The following KDM2A variants were observed in gnomAD, a reference collection of about 807,000 sequenced individuals.
KDM2A encodes the protein lysine-specific demethylase 2A.
Under a neutral mutation model 137.3 loss-of-function variants are expected in KDM2A, and 3 were observed. The observed-to-expected ratio is 0.02, with a 90% CI of 0.01 to 0.06. KDM2A has a LOEUF of 0.06. KDM2A is among the 10% of genes least tolerant of loss of function. The probability of loss-of-function intolerance (pLI) is 1.00; values close to 1 mark genes in which losing one functional copy is unlikely to be tolerated. For missense variants in KDM2A, 738 were observed against 1,510.6 expected, an observed-to-expected ratio of 0.49 and a Z score of 8.48; for synonymous variants, 512 against 541.5, an observed-to-expected ratio of 0.95 and a Z score of 0.76.
At chr11:67,132,341 T>G (rs1244262900) in intron 2 of KDM2A, among the ~76,000 whole-genome samples, 1 of 152,216 alleles carries the variant, frequency 6.6e-6, no homozygotes, top group Non-Finnish European at 1.5e-5. Context: ...TAGAGTGCAA[T>G]GGCACGATCT....
chr11:67,192,692 G>A (rs1857386936), intron 5 of KDM2A, among the ~76,000 whole-genome samples: 4 of 151,904 alleles, frequency 2.6e-5, no homozygotes, highest in Admixed American at 6.6e-5. Flanking sequence ...TGATCCATCC[G>A]CCTTGGCCTC....
intron 5 of KDM2A, among the ~76,000 whole-genome samples, chr11:67,194,394 G>A (rs888362663): frequency 2.6e-5 from 4 of 152,144 alleles, no homozygotes; most frequent in Admixed American, 2.6e-4. Context: ...TTTCTGAGGC[G>A]TAGGTCCTCC....
In KDM2A at chr11:67,122,993, A is replaced by T. The variant is rs144785794; in HGVS notation, c.42+1635A>T. On this transcript the variant is annotated intron_variant, in intron 2 of 20. Coordinates refer to ENST00000529006, the MANE Select transcript of KDM2A (RefSeq NM_012308.3). ...TCTGGCCTTTTATTTTTATTTTTAT[A>T]GACAGGATCTTGCTCTGCCCAGGGT... Among the ~76,000 whole-genome samples, 398 of 151,804 alleles carry T rather than the reference A, an allele frequency of 2.6e-3. 2 individuals are homozygous for T. Among genetic ancestry groups the T allele is most frequent in the Non-Finnish European group, 2.2e-3 (152 of 67,940 alleles).
intron 2 of KDM2A, among the ~76,000 whole-genome samples, chr11:67,132,445 G>A (rs983488401): frequency 1.3e-5 from 2 of 151,958 alleles, no homozygotes; most frequent in South Asian, 2.1e-4. Context: ...CACCACGCCC[G>A]GCTAATTTTT....
chr11:67,121,331 A>T lies in KDM2A; in HGVS notation c.15A>T (p.Glu5Asp). 2 of 1,613,906 alleles carry T rather than the reference A, an allele frequency of 1.2e-6. No individual in the cohort carries two copies. The highest frequency in any genetic ancestry group is 1.7e-6 in the Non-Finnish European group (2 of 1,179,818). ...AAGAGTGAGAGATGGAACCCGAAGA[A>T]GAAAGGATTCGTTACAGCCAGAGAT... is the stretch of plus-strand genomic sequence containing the variant. MEPE[E>D]ERIRYSQRLR... The change falls in exon 2 of 21, where the codon GAA (glutamate) becomes GAT (aspartate). Residue 5 changes from glutamate (E) to aspartate (D), a missense_variant. By Grantham distance (45) the Glu-to-Asp change is conservative. Around this residue, in one of 9 missense-constraint regions of KDM2A, gnomAD observed 74 missense variants for 181.8 expected, o/e 0.41. Coordinates refer to ENST00000529006, the MANE Select transcript of KDM2A (RefSeq NM_012308.3).
intron 5 of KDM2A, chr11:67,197,100 A>G (rs974979415): frequency 1.3e-5 from 2 of 152,278 alleles, no homozygotes; most frequent in Non-Finnish European, 1.5e-5. Flanking sequence ...CCCAAGGGTG[A>G]ACACAAATAA....
At chr11:67,147,867 C>G (rs941383500) in intron 2 of KDM2A, among the ~76,000 whole-genome samples, 1 of 151,752 alleles carries the variant, frequency 6.6e-6, no homozygotes, top group Admixed American at 6.6e-5. Flanking sequence ...TTAGTAGAGA[C>G]GAGGTTTTAC....
At chr11:67,169,760 T>TCTCTCTC (rs1555084878) in intron 2 of KDM2A, among the ~76,000 whole-genome samples, 10 of 19,662 alleles carry the variant, frequency 5.1e-4, no homozygotes, top group Middle Eastern at 0.083. Flanking sequence ...TCTCTCTCTC[T>TCTCTCTC]TTTTTTTTTT....
intron 2 of KDM2A, among the ~76,000 whole-genome samples, chr11:67,168,891 A>G (rs1856812953): frequency 6.6e-6 from 1 of 150,994 alleles, no homozygotes; most frequent in African/African-American, 2.4e-5. Flanking sequence ...TCAAGTACAT[A>G]TTAAGGCTAT....
intron 12 of KDM2A, among the ~76,000 whole-genome samples, chr11:67,232,626 CCCT>C (rs1358616746): frequency 1.3e-5 from 2 of 151,668 alleles, no homozygotes; most frequent in African/African-American, 4.8e-5. Flanking sequence ...CTAATGCTAT[CCCT>C]CCTCCAGCTC....
At chr11:67,236,389 C>T (rs1345951212) in intron 12 of KDM2A, among the ~76,000 whole-genome samples, 2 of 152,088 alleles carry the variant, frequency 1.3e-5, no homozygotes, top group Non-Finnish European at 2.9e-5. Context: ...CTAGGCCTCC[C>T]AGAGTGCTAG....
chr11:67,182,902 G>A (rs546851810), intron 5 of KDM2A, among the ~76,000 whole-genome samples: 23 of 152,126 alleles, frequency 1.5e-4, no homozygotes, highest in Non-Finnish European at 2.8e-4. Context: ...TTTCTTCCTA[G>A]CACTAGAATT....
chr11:67,250,325 G>T lies in KDM2A; in HGVS notation c.2295G>T (p.Leu765=), dbSNP rs1393239463. 1.9e-6 allele frequency: 3 copies of T among 1,613,812 alleles called. No individual in the cohort carries two copies. The highest frequency in any genetic ancestry group is 2.5e-6 in the Non-Finnish European group (3 of 1,179,898). The change falls in exon 17 of 21, where the codon CTG becomes CTT. Residue 765 remains leucine, a synonymous_variant. Coordinates refer to ENST00000529006, the MANE Select transcript of KDM2A (RefSeq NM_012308.3). The surrounding 1 kb of genome is among the most constrained non-coding windows in gnomAD (Gnocchi z 7.1). ...ERFKRRQLLR[L]QATERTMVRE... ...TCAAACGGCGGCAGTTGCTGCGGCTGCAGGCCACAGAGCGCACCATGGTAC... is the reference window on the plus strand; with the variant it reads ...TCAAACGGCGGCAGTTGCTGCGGCTTCAGGCCACAGAGCGCACCATGGTAC...
At chr11:67,178,177 G>T (rs12799792) in intron 2 of KDM2A, among the ~76,000 whole-genome samples, 30 of 152,210 alleles carry the variant, frequency 2.0e-4, no homozygotes, top group African/African-American at 7.2e-4. Flanking sequence ...AGGCTGAGGC[G>T]TGCAGATCGC....
chr11:67,131,474 C>T lies in KDM2A; in HGVS notation c.42+10116C>T, dbSNP rs187521271. 4.1e-3 allele frequency among the ~76,000 whole-genome samples: 571 copies of T among 140,638 alleles called. 3 individuals carry two copies. The highest frequency in any genetic ancestry group is 5.3e-3 in the Non-Finnish European group (348 of 66,244). 92.3% of individuals were successfully genotyped at this position (140,638 alleles called of 152,430 possible). ...TCGCCCAGGTTGGAGTGTAGTGGTG[C>T]GATATTGGCTCACTGAAACCTCTGC... On this transcript the variant is annotated intron_variant, in intron 2 of 20. Coordinates refer to ENST00000529006, the MANE Select transcript of KDM2A (RefSeq NM_012308.3).
chr11:67,161,683 A>G (rs77817849), intron 2 of KDM2A, among the ~76,000 whole-genome samples: 4,901 of 152,242 alleles, frequency 0.032, 122 homozygotes, highest in Non-Finnish European at 0.053. Flanking sequence ...GGTTCTCAAC[A>G]TGTGGTCTGG....
chr11:67,181,865 A>T lies in KDM2A; in HGVS notation c.280A>T (p.Thr94Ser). Reference protein sequence around the residue: ...LGIKMPDPDFTVNDVKMCVGS... With the variant: ...LGIKMPDPDFSVNDVKMCVGS... ...TCATAGAATGCCGGATCCAGACTTC[A>T]CTGTGAATGATGTCAAAATGTGTGT... The change falls in exon 5 of 21, where the codon ACT (threonine) becomes TCT (serine). Residue 94 changes from threonine (T) to serine (S), a missense_variant. Physicochemically the swap from Thr to Ser is moderately conservative, Grantham distance 58 (BLOSUM62 1). Around this residue, in one of 9 missense-constraint regions of KDM2A, gnomAD observed 74 missense variants for 181.8 expected, o/e 0.41. Coordinates refer to ENST00000529006, the MANE Select transcript of KDM2A (RefSeq NM_012308.3). 6.2e-7 allele frequency: 1 copy of T among 1,613,824 alleles called. No individual in the cohort carries two copies. The highest frequency in any genetic ancestry group is 8.5e-7 in the Non-Finnish European group (1 of 1,179,800).
At chr11:67,125,019 G>A (rs1855687295) in intron 2 of KDM2A, among the ~76,000 whole-genome samples, 1 of 151,286 alleles carries the variant, frequency 6.6e-6, no homozygotes, top group Non-Finnish European at 1.5e-5. Context: ...CGCCACACCC[G>A]GCTAATTTTT....
At chr11:67,186,066 C>T (rs1010778402) in intron 5 of KDM2A, among the ~76,000 whole-genome samples, 10 of 151,828 alleles carry the variant, frequency 6.6e-5, no homozygotes, top group African/African-American at 2.4e-4. Flanking sequence ...TAGAAAGGAG[C>T]AGAGAGAATA....
Sources: gnomAD v4.1 joint callset for allele counts (sites outside exome capture counted in the v4.1 genomes callset) on GRCh38, gnomAD v4.1.1 for gene constraint, gnomAD v4.1.1 regional missense constraint, Gnocchi (gnomAD v3.1) non-coding constraint, MANE v1.5 for transcripts, NCBI Gene and HGNC (gene_info 2026-07-23, HGNC 2026-07-21) for gene names.